Variants in XKR6 observed in about 807,000 individuals in gnomAD.
XKR6 encodes XK related 6.
Under a neutral mutation model 56.7 loss-of-function variants are expected in XKR6, and 22 were observed. The ratio of observed to expected loss-of-function variants is 0.39; its 90% confidence interval spans 0.28 to 0.55. The LOEUF is 0.55. Among genes scored for constraint, XKR6 ranks in the 20% least tolerant of loss-of-function variants. The pLI is 0.66. For synonymous variants in XKR6, 524 were observed against 387.8 expected (o/e 1.35, Z -4.13); for missense variants, 852 against 889.0 (o/e 0.96, Z 0.53).
intron 1 of XKR6, among the ~76,000 whole-genome samples, chr8:10,928,330 G>A (rs1800957017): frequency 6.6e-6 from 1 of 152,198 alleles, no homozygotes; most frequent in Non-Finnish European, 1.5e-5. Flanking sequence ...TGCTGTCCTC[G>A]AGGCTCTAGG....
At chr8:10,983,224 A>T (rs977213401) in intron 1 of XKR6, among the ~76,000 whole-genome samples, 1 of 152,186 alleles carries the variant, frequency 6.6e-6, no homozygotes, top group African/African-American at 2.4e-5. Flanking sequence ...TGTAGAAGTG[A>T]TAAATTCAAG....
At chr8:11,119,115 A>C (rs368010346) in intron 1 of XKR6, among the ~76,000 whole-genome samples, 10 of 151,986 alleles carry the variant, frequency 6.6e-5, no homozygotes, top group African/African-American at 2.2e-4. Context: ...GTAGTTGAGC[A>C]GTTTTGAGTG....
At chr8:11,071,358 G>C (rs900217360) in intron 1 of XKR6, among the ~76,000 whole-genome samples, 8 of 152,208 alleles carry the variant, frequency 5.3e-5, no homozygotes, top group African/African-American at 1.7e-4. Flanking sequence ...TCGTGCCTCA[G>C]CCTCCCAAGT....
intron 1 of XKR6, among the ~76,000 whole-genome samples, chr8:10,927,796 G>A (rs1800938424): frequency 6.6e-6 from 1 of 152,120 alleles, no homozygotes; most frequent in Non-Finnish European, 1.5e-5. Flanking sequence ...AGCCAGGGTG[G>A]ATGTAGGCAA....
At chr8:11,062,530 C>G in intron 1 of XKR6, 1 of 355,622 alleles carries the variant, frequency 2.8e-6, no homozygotes, top group Non-Finnish European at 5.5e-6. Context: ...CTCTACCTGC[C>G]CGATCCAGCA....
At chr8:11,002,250 C>G in intron 1 of XKR6, 1 of 170,588 alleles carries the variant, frequency 5.9e-6, no homozygotes, top group African/African-American at 2.4e-5. Flanking sequence ...CCACAAGCAT[C>G]CCATGGCACA....
intron 1 of XKR6, among the ~76,000 whole-genome samples, chr8:10,930,978 G>C (rs998839755): frequency 6.6e-6 from 1 of 152,162 alleles, no homozygotes; most frequent in Non-Finnish European, 1.5e-5. Context: ...GATTGCAAAG[G>C]AAGAGGTAAA....
chr8:11,092,645 T>C (rs1798113749), intron 1 of XKR6, among the ~76,000 whole-genome samples: 1 of 152,206 alleles, frequency 6.6e-6, no homozygotes, highest in Admixed American at 6.5e-5. Context: ...GCCGGGAGAC[T>C]GCAAGAAAGG....
At chr8:10,911,988 A>G (rs1391898668) in intron 2 of XKR6, among the ~76,000 whole-genome samples, 1 of 149,428 alleles carries the variant, frequency 6.7e-6, no homozygotes, top group Admixed American at 6.7e-5. Context: ...AGAAAGAGAG[A>G]GAATATATAT....
chr8:11,002,663 G>A (rs1159047979), intron 1 of XKR6, among the ~76,000 whole-genome samples: 2 of 152,178 alleles, frequency 1.3e-5, no homozygotes, highest in African/African-American at 2.4e-5. Context: ...TTCTCACCAC[G>A]CCAACCATGG....
chr8:11,066,003 G>A (rs1799967626), intron 1 of XKR6, among the ~76,000 whole-genome samples: 1 of 152,232 alleles, frequency 6.6e-6, no homozygotes, highest in African/African-American at 2.4e-5. Context: ...GGGGAAGAGG[G>A]GGCTCTGCAT....
intron 1 of XKR6, among the ~76,000 whole-genome samples, chr8:11,042,440 T>C (rs937710830): frequency 6.6e-6 from 1 of 152,072 alleles, no homozygotes; most frequent in African/African-American, 2.4e-5. Flanking sequence ...TCTCATGAGA[T>C]CTGATGGTTT....
At chr8:10,903,773 G>C (rs890108066) in intron 2 of XKR6, among the ~76,000 whole-genome samples, 1 of 152,136 alleles carries the variant, frequency 6.6e-6, no homozygotes, top group African/African-American at 2.4e-5. Flanking sequence ...CAGACCAGTA[G>C]CACCTTGATC....
At chr8:10,906,695 G>A (rs77584013) in intron 2 of XKR6, among the ~76,000 whole-genome samples, 2,953 of 152,278 alleles carry the variant, frequency 0.019, 83 homozygotes, top group African/African-American at 0.068. Context: ...TTTCCACAAG[G>A]AGTCACTTTA....
intron 1 of XKR6, chr8:11,137,656 G>C (rs1439139259): frequency 2.2e-6 from 1 of 456,254 alleles, no homozygotes; most frequent in Admixed American, 2.3e-5. Flanking sequence ...GCCATGGTGT[G>C]AGCAATGCAA....
chr8:10,988,975 A>G (rs1399838726), intron 1 of XKR6, among the ~76,000 whole-genome samples: 1 of 152,222 alleles, frequency 6.6e-6, no homozygotes, highest in African/African-American at 2.4e-5. Flanking sequence ...CACATAAAAT[A>G]CTTGCTTGAC....
At chr8:11,154,127 G>C (rs1020437311) in intron 1 of XKR6, among the ~76,000 whole-genome samples, 2 of 152,186 alleles carry the variant, frequency 1.3e-5, no homozygotes, top group African/African-American at 4.8e-5. Flanking sequence ...TCCTTGTTTA[G>C]GGTGGGGGTT....
chr8:11,155,591 T>C (rs1325442021), intron 1 of XKR6, among the ~76,000 whole-genome samples: 1 of 152,210 alleles, frequency 6.6e-6, no homozygotes, highest in Non-Finnish European at 1.5e-5. Flanking sequence ...GCTGTTTGTT[T>C]TATATACAGA....
intron 1 of XKR6, among the ~76,000 whole-genome samples, chr8:11,141,206 CTA>C (rs1800680185): frequency 6.6e-6 from 1 of 152,118 alleles, no homozygotes; most frequent in African/African-American, 2.4e-5. Flanking sequence ...CAGAGACTTC[CTA>C]TGTGTATTGT....
Sources: gnomAD v4.1 joint callset for allele counts (sites outside exome capture counted in the v4.1 genomes callset) on GRCh38, gnomAD v4.1.1 for gene constraint, MANE v1.5 for transcripts, NCBI Gene and HGNC (gene_info 2026-07-23, HGNC 2026-07-21) for gene names.